The following EIF3H variants were observed in gnomAD, a reference collection of about 807,000 sequenced individuals.
EIF3H encodes the protein eIF-3-gamma.
A neutral mutation model predicts 44.2 loss-of-function variants in EIF3H; 26 were observed. The ratio of observed to expected loss-of-function variants is 0.59; its 90% CI spans 0.43 to 0.82. The LOEUF (loss-of-function observed/expected upper bound fraction) is 0.82. Among genes scored for constraint, EIF3H ranks in the 40% least tolerant of loss-of-function variants. The probability of loss-of-function intolerance (pLI) is 0.00; values close to 1 mark genes in which losing one functional copy is unlikely to be tolerated. For synonymous variants in EIF3H, 166 were observed against 151.9 expected, an observed-to-expected ratio of 1.09 and a Z score of -0.68; for missense variants, 359 against 432.8, an observed-to-expected ratio of 0.83 and a Z score of 1.51.
At chr8:116,709,600 A>G (rs1238744109) in intron 2 of EIF3H, among the ~76,000 whole-genome samples, 1 of 152,232 alleles carries the variant, frequency 6.6e-6, no homozygotes, top group Non-Finnish European at 1.5e-5. Context: ...TCTTATCCAT[A>G]CACAACTTCA....
chr8:116,674,434 C>A (rs986242235), intron 2 of EIF3H, among the ~76,000 whole-genome samples: 1 of 152,060 alleles, frequency 6.6e-6, no homozygotes, highest in Non-Finnish European at 1.5e-5. Context: ...AGCACAGCTG[C>A]ATTCTATCAT....
At chr8:116,744,435 CTT>C (rs535414086) in intron 1 of EIF3H, among the ~76,000 whole-genome samples, 1 of 152,148 alleles carries the variant, frequency 6.6e-6, no homozygotes. Context: ...CAATTTTTCT[CTT>C]ATATGCTTGA....
intron 2 of EIF3H, among the ~76,000 whole-genome samples, chr8:116,666,024 C>A (rs1813659426): frequency 6.6e-6 from 1 of 152,254 alleles, no homozygotes; most frequent in South Asian, 2.1e-4. Flanking sequence ...GTTATTAATA[C>A]CACCCTGTGA....
intron 2 of EIF3H, among the ~76,000 whole-genome samples, chr8:116,675,011 T>C (rs562153296): frequency 6.6e-6 from 1 of 152,372 alleles, no homozygotes; most frequent in East Asian, 1.9e-4. Context: ...TGTCCATCTT[T>C]AAAGACAAGA....
intron 2 of EIF3H, among the ~76,000 whole-genome samples, chr8:116,700,410 T>G (rs1434327398): frequency 6.6e-6 from 1 of 152,228 alleles, no homozygotes; most frequent in East Asian, 1.9e-4. Flanking sequence ...TTTTCTTTTC[T>G]TTTCTTTTTT....
At chr8:116,731,045 T>C (rs537408364) in intron 1 of EIF3H, among the ~76,000 whole-genome samples, 6 of 152,312 alleles carry the variant, frequency 3.9e-5, no homozygotes, top group Admixed American at 6.5e-5. Context: ...ACCAAATATG[T>C]TGATAACAGC....
intron 2 of EIF3H, among the ~76,000 whole-genome samples, chr8:116,725,531 C>T (rs1563653950): frequency 1.3e-5 from 2 of 152,152 alleles, no homozygotes. Context: ...GAGCTTTTAA[C>T]TACTCTCAGC....
At chr8:116,699,465 G>A (rs1814331363) in intron 2 of EIF3H, among the ~76,000 whole-genome samples, 1 of 152,080 alleles carries the variant, frequency 6.6e-6, no homozygotes, top group Non-Finnish European at 1.5e-5. Context: ...AACAAATACT[G>A]CATGTTCTCA....
intron 1 of EIF3H, among the ~76,000 whole-genome samples, chr8:116,752,724 GAA>G (rs1554603835): frequency 1.7e-5 from 2 of 120,384 alleles, no homozygotes; most frequent in Admixed American, 9.3e-5. Flanking sequence ...AAGAAAGAAA[GAA>G]AGAAAGAAGA....
chr8:116,697,066 A>C (rs1249380966), intron 2 of EIF3H: 1 of 456,056 alleles, frequency 2.2e-6, no homozygotes, highest in Non-Finnish European at 4.4e-6. Context: ...TCCAGCTGGG[A>C]TCTCTCTCCT....
intron 5 of EIF3H, among the ~76,000 whole-genome samples, chr8:116,655,525 G>A (rs1250394165): frequency 6.6e-6 from 1 of 152,110 alleles, no homozygotes; most frequent in Non-Finnish European, 1.5e-5. Flanking sequence ...TTAGGATCGT[G>A]TACAAGAAAT....
At chr8:116,723,024 G>T (rs1563653258) in intron 2 of EIF3H, among the ~76,000 whole-genome samples, 1 of 152,154 alleles carries the variant, frequency 6.6e-6, no homozygotes, top group Admixed American at 6.5e-5. Context: ...TCTAGAATTA[G>T]TAATATATTT....
At chr8:116,728,289 TA>T (rs34432805) in intron 1 of EIF3H, among the ~76,000 whole-genome samples, 135,198 of 152,088 alleles carry the variant, frequency 0.89, 60,385 homozygotes, top group African/African-American at 0.96. Context: ...AAGGTACTGT[TA>T]ATACTCATTT....
chr8:116,672,363 C>T (rs1192343741), intron 2 of EIF3H, among the ~76,000 whole-genome samples: 2 of 152,166 alleles, frequency 1.3e-5, no homozygotes, highest in Non-Finnish European at 2.9e-5. Flanking sequence ...CAGTGGCTCA[C>T]GCCCGTAATC....
chr8:116,712,902 G>C (rs1426361011), intron 2 of EIF3H, among the ~76,000 whole-genome samples: 1 of 151,626 alleles, frequency 6.6e-6, no homozygotes, highest in Non-Finnish European at 1.5e-5. Flanking sequence ...TATCTAATTG[G>C]GGGAACGAAA....
At chr8:116,763,571 GCCTAT>G (rs765656452) in intron 1 of EIF3H, among the ~76,000 whole-genome samples, 2 of 152,122 alleles carry the variant, frequency 1.3e-5, no homozygotes, top group South Asian at 4.1e-4. Context: ...CCATGATGGA[GCCTAT>G]CCTAGGGGAT....
rs117292242 is a variant in EIF3H, at chr8:116,685,934, G to A, written c.290-26954C>T. On this transcript the variant is annotated intron_variant, in intron 2 of 7. Transcript: ENST00000521861. The stretch of plus-strand genomic sequence containing the variant: ...AGCTGTGAAGGATCAGTCTCCTACA[G>A]TAATAGAAATCAACGGCAAACTGAA... Among the ~76,000 whole-genome samples the A allele has an allele frequency of 4.7e-3, 723 of 152,260 alleles. 2 individuals carry two copies. The highest frequency in any genetic ancestry group is 7.9e-3 in the Non-Finnish European group (535 of 67,998).
intron 2 of EIF3H, among the ~76,000 whole-genome samples, chr8:116,699,555 T>C (rs768382206): frequency 1.3e-4 from 20 of 151,944 alleles, no homozygotes; most frequent in Non-Finnish European, 2.5e-4. Context: ...CTAGAGTGGG[T>C]AGGGAGGGAG....
intron 2 of EIF3H, among the ~76,000 whole-genome samples, chr8:116,684,482 T>C (rs909238901): frequency 6.6e-6 from 1 of 152,224 alleles, no homozygotes; most frequent in Non-Finnish European, 1.5e-5. Flanking sequence ...TAAAATTACC[T>C]TGCAGCTATT....
Sources: gnomAD v4.1 joint callset for allele counts (sites outside exome capture counted in the v4.1 genomes callset) on GRCh38, gnomAD v4.1.1 for gene constraint, MANE v1.5 for transcripts, NCBI Gene and HGNC (gene_info 2026-07-23, HGNC 2026-07-21) for gene names.